LRMDA: variants seen among roughly 807,000 people sequenced by gnomAD.
The protein encoded by LRMDA is leucine-rich melanocyte differentiation-associated protein.
In LRMDA, 18 loss-of-function variants were observed where a neutral mutation model predicts 29.8. The observed-to-expected ratio is 0.60, with a 90% CI of 0.42 to 0.90. The LOEUF (loss-of-function observed/expected upper bound fraction) is 0.90. LRMDA is among the 40% of genes least tolerant of loss of function. LRMDA has a pLI of 0.00. For missense variants in LRMDA, 273 were observed against 273.9 expected, an observed-to-expected ratio of 1.00 and a Z score of 0.02; for synonymous variants, 125 against 109.4, an observed-to-expected ratio of 1.14 and a Z score of -0.89.
At chr10:76,111,106 C>A (rs1849571318) in intron 5 of LRMDA, among the ~76,000 whole-genome samples, 1 of 152,210 alleles carries the variant, frequency 6.6e-6, no homozygotes, top group Non-Finnish European at 1.5e-5. Context: ...CCTTCTCATC[C>A]TCCAGTTCTT....
At chr10:75,738,065 T>C (rs1055870720) in intron 2 of LRMDA, among the ~76,000 whole-genome samples, 3 of 152,204 alleles carry the variant, frequency 2.0e-5, no homozygotes, top group African/African-American at 7.2e-5. Flanking sequence ...AAACTTCCAC[T>C]TTTGTGTCCT....
At chr10:76,474,392 A>T (rs1438472479) in intron 6 of LRMDA, among the ~76,000 whole-genome samples, 2 of 151,680 alleles carry the variant, frequency 1.3e-5, no homozygotes, top group African/African-American at 4.8e-5. Flanking sequence ...CTTCCTCAAA[A>T]TTTAAAACTT....
intron 5 of LRMDA, among the ~76,000 whole-genome samples, chr10:76,254,053 T>G (rs1852535866): frequency 6.6e-6 from 1 of 152,174 alleles, no homozygotes; most frequent in Admixed American, 6.5e-5. Flanking sequence ...ACTTATTTTC[T>G]TCCTTTGAGC....
intron 2 of LRMDA, chr10:75,782,887 G>A (rs950350809): frequency 2.6e-5 from 41 of 1,600,516 alleles, no homozygotes; most frequent in Non-Finnish European, 3.3e-5. Flanking sequence ...TGGAGTACCT[G>A]CTGTTGCTCT....
chr10:75,910,134 C>T (rs934718092), intron 2 of LRMDA, among the ~76,000 whole-genome samples: 4 of 152,140 alleles, frequency 2.6e-5, no homozygotes, highest in African/African-American at 9.7e-5. Flanking sequence ...CACCTCCACT[C>T]CTTTGGAGAC....
intron 5 of LRMDA, among the ~76,000 whole-genome samples, chr10:76,100,551 T>TA (rs3998130): frequency 6.6e-6 from 1 of 151,758 alleles, no homozygotes; most frequent in Non-Finnish European, 1.5e-5. Context: ...GCTTTTGCTT[T>TA]ATGGGTGGGT....
chr10:75,674,876 G>C (rs551765791), intron 2 of LRMDA, among the ~76,000 whole-genome samples: 15 of 152,304 alleles, frequency 9.8e-5, no homozygotes, highest in Non-Finnish European at 1.5e-4. Context: ...TAGGAGCTGA[G>C]AGCCATGTCT....
Position 75,819,646 on chromosome 10 carries a change from T to A in LRMDA, c.132-216362T>A, listed in dbSNP as rs139069567. ...ATTTGGTGATTGGCAGGTCATTGGG[T>A]TGGCAGTTGTGGTTCTGGTGATGTC... On this transcript the variant is annotated intron_variant, in intron 2 of 6. Coordinates refer to ENST00000611255, the MANE Select transcript of LRMDA (RefSeq NM_001305581.2). Among the ~76,000 whole-genome samples, 6 of 152,266 alleles carry A rather than the reference T, an allele frequency of 3.9e-5. No individual in the cohort carries two copies. The East Asian group carries it at 1.2e-3, about 29-fold the overall frequency.
chr10:75,896,112 A>G (rs1302840488), intron 2 of LRMDA, among the ~76,000 whole-genome samples: 1 of 152,254 alleles, frequency 6.6e-6, no homozygotes, highest in Non-Finnish European at 1.5e-5. Context: ...AATACCAGCT[A>G]TTACTGTTAT....
intron 5 of LRMDA, among the ~76,000 whole-genome samples, chr10:76,257,883 G>T (rs1589397665): frequency 6.6e-6 from 1 of 152,182 alleles, no homozygotes; most frequent in Admixed American, 6.5e-5. Context: ...GGGCTCAGTT[G>T]AGATGGCTGG....
At chr10:76,345,496 TATAA>T (rs1393358379) in intron 6 of LRMDA, among the ~76,000 whole-genome samples, 1 of 148,622 alleles carries the variant, frequency 6.7e-6, no homozygotes, top group Non-Finnish European at 1.5e-5. Flanking sequence ...AATTTATATA[TATAA>T]ATAAAAGGGA....
At chr10:76,550,395 G>A (rs1843479038) in intron 6 of LRMDA, among the ~76,000 whole-genome samples, 1 of 152,162 alleles carries the variant, frequency 6.6e-6, no homozygotes, top group South Asian at 2.1e-4. Context: ...TGTTGTTTTT[G>A]TACAGTGAAG....
intron 6 of LRMDA, among the ~76,000 whole-genome samples, chr10:76,476,008 A>G (rs1212116178): frequency 2.6e-5 from 4 of 152,140 alleles, no homozygotes; most frequent in African/African-American, 4.8e-5. Context: ...GCAAGAGGAA[A>G]CACATTCAAA....
chr10:76,401,185 C>T (rs1163481605), intron 6 of LRMDA, among the ~76,000 whole-genome samples: 1 of 152,096 alleles, frequency 6.6e-6, no homozygotes, highest in Non-Finnish European at 1.5e-5. Context: ...GGTATGCTCT[C>T]AGTGGATGAG....
intron 2 of LRMDA, among the ~76,000 whole-genome samples, chr10:75,762,812 T>C (rs1843114687): frequency 6.6e-6 from 1 of 152,164 alleles, no homozygotes; most frequent in Non-Finnish European, 1.5e-5. Flanking sequence ...TTATATGTGG[T>C]CTCATATATA....
rs1354582505 is a variant in LRMDA at position 76,014,178 on chromosome 10, A to G, written c.132-21830A>G. Among the ~76,000 whole-genome samples, 13 of 115,100 alleles carry G rather than the reference A, an allele frequency of 1.1e-4. No homozygotes were observed. The East Asian group carries it at 2.1e-3, about 18-fold the overall frequency. The allele number at this position is 115,100 out of a possible 152,430, so 75.5% of individuals were successfully genotyped here. A position where few individuals can be genotyped will look rare whatever the true frequency, so the allele number is the denominator to read the frequency against. ...TATATATAATTATATATATATGGTA[A>G]CATTGTTATGCCTATTCATTTACAT... On this transcript the variant is annotated intron_variant, in intron 2 of 6. Transcript: ENST00000611255.
chr10:76,219,324 T>G (rs1203912193), intron 5 of LRMDA, among the ~76,000 whole-genome samples: 1 of 152,044 alleles, frequency 6.6e-6, no homozygotes, highest in Non-Finnish European at 1.5e-5. Context: ...ACTGGCAAAT[T>G]GGATAAAAAT....
At chr10:76,158,334 C>T (rs145458846) in intron 5 of LRMDA, among the ~76,000 whole-genome samples, 154 of 152,232 alleles carry the variant, frequency 1.0e-3, no homozygotes, top group Middle Eastern at 6.8e-3. Context: ...AAACCAGGCC[C>T]CTTTGACCTC....
intron 6 of LRMDA, among the ~76,000 whole-genome samples, chr10:76,435,073 A>G (rs572131796): frequency 3.3e-5 from 5 of 152,282 alleles, no homozygotes; most frequent in Admixed American, 1.3e-4. Context: ...TTCTCTGGTA[A>G]TCTACTTAGT....
Sources: gnomAD v4.1 joint callset for allele counts (sites outside exome capture counted in the v4.1 genomes callset) on GRCh38, gnomAD v4.1.1 for gene constraint, MANE v1.5 for transcripts, NCBI Gene and HGNC (gene_info 2026-07-23, HGNC 2026-07-21) for gene names.